The following C12orf42 variants were observed in gnomAD, a reference collection of about 807,000 sequenced individuals.
C12orf42 encodes the protein uncharacterized protein C12orf42.
C12orf42 carries 25 observed loss-of-function variants against 21.6 expected under a neutral mutation model. That is an observed-to-expected ratio of 1.16 (90% CI 0.84 to 1.62). C12orf42 has a LOEUF of 1.62. C12orf42 is among the 40% of genes most tolerant of loss of function. C12orf42 has a pLI of 0.00. For synonymous variants in C12orf42, 174 were observed against 175.0 expected, an observed-to-expected ratio of 0.99 and a Z score of 0.05; for missense variants, 483 against 459.3, an observed-to-expected ratio of 1.05 and a Z score of -0.47.
chr12:103,445,263 G>A (rs1394540140), intron 2 of C12orf42, among the ~76,000 whole-genome samples: 1 of 152,084 alleles, frequency 6.6e-6, no homozygotes, highest in African/African-American at 2.4e-5. Context: ...TTGCTTGTTT[G>A]TTGGTGGGGA....
At chr12:103,533,008 T>C in the C12orf42 span, among the ~76,000 whole-genome samples, 1 of 152,224 alleles carries the variant, frequency 6.6e-6, no homozygotes, top group Admixed American at 6.5e-5. Context: ...AAGTTCACCC[T>C]ACGGTTCAGT....
At chr12:103,288,943 A>G (rs2036633024) in intron 4 of C12orf42, among the ~76,000 whole-genome samples, 1 of 152,198 alleles carries the variant, frequency 6.6e-6, no homozygotes, top group Non-Finnish European at 1.5e-5. Flanking sequence ...GCTATTTTTA[A>G]TTTCTCTTAT....
chr12:103,208,276 A>AGCTTT, the C12orf42 span, among the ~76,000 whole-genome samples: 1 of 152,144 alleles, frequency 6.6e-6, no homozygotes, highest in South Asian at 2.1e-4. Flanking sequence ...CTAACACACT[A>AGCTTT]ATACCAAGCC....
At chr12:103,087,733 G>A in the C12orf42 span, among the ~76,000 whole-genome samples, 1 of 152,174 alleles carries the variant, frequency 6.6e-6, no homozygotes, top group Non-Finnish European at 1.5e-5. Context: ...TGAGTAACAT[G>A]AGGTTCAACA....
intron 10 of C12orf42, among the ~76,000 whole-genome samples, chr12:103,244,904 G>T (rs182531309): frequency 6.6e-6 from 1 of 152,074 alleles, no homozygotes; most frequent in East Asian, 1.9e-4. Flanking sequence ...ATCTCTGTAG[G>T]TCTTTTTATT....
At chr12:103,562,121 C>T in the C12orf42 span, among the ~76,000 whole-genome samples, 7 of 152,194 alleles carry the variant, frequency 4.6e-5, no homozygotes, top group Non-Finnish European at 7.3e-5. Context: ...AGTTCCTTTC[C>T]GTAAAGCTAT....
intron 3 of C12orf42, among the ~76,000 whole-genome samples, chr12:103,385,518 A>G (rs1240204665): frequency 6.6e-6 from 1 of 152,238 alleles, no homozygotes; most frequent in African/African-American, 2.4e-5. Flanking sequence ...AAAGTAACCC[A>G]TTAGTAGCAT....
chr12:103,295,194 T>C (rs1445323850), intron 4 of C12orf42, among the ~76,000 whole-genome samples: 1 of 152,200 alleles, frequency 6.6e-6, no homozygotes, highest in East Asian at 1.9e-4. Flanking sequence ...CTCTTTCCTG[T>C]GTCCCTGTGT....
At chr12:103,400,228 T>C (rs1019656213) in intron 3 of C12orf42, among the ~76,000 whole-genome samples, 2 of 152,156 alleles carry the variant, frequency 1.3e-5, no homozygotes, top group Non-Finnish European at 2.9e-5. Context: ...ACTTAAGCTG[T>C]CAGAGGAAAG....
At chr12:103,453,875 C>T (rs1165447695) in intron 2 of C12orf42, among the ~76,000 whole-genome samples, 1 of 152,034 alleles carries the variant, frequency 6.6e-6, no homozygotes, top group Admixed American at 6.6e-5. Context: ...TCTTGTTCAC[C>T]ACCTTGTCTC....
intron 4 of C12orf42, among the ~76,000 whole-genome samples, chr12:103,333,295 G>A (rs2041406400): frequency 6.6e-6 from 1 of 152,172 alleles, no homozygotes; most frequent in Non-Finnish European, 1.5e-5. Context: ...GGGTCTCAAT[G>A]TCCACATGTG....
chr12:103,308,769 C>A (rs901832255), intron 4 of C12orf42, among the ~76,000 whole-genome samples: 1 of 152,164 alleles, frequency 6.6e-6, no homozygotes, highest in Admixed American at 6.5e-5. Context: ...GTGAATGTAA[C>A]CTTATTTGGA....
chr12:103,057,619 G>A, the C12orf42 span, among the ~76,000 whole-genome samples: 4 of 152,068 alleles, frequency 2.6e-5, no homozygotes, highest in Non-Finnish European at 5.9e-5. Flanking sequence ...CATTTGGGTT[G>A]GTTCCAAGTC....
At chr12:103,187,698 T>TA in the C12orf42 span, among the ~76,000 whole-genome samples, 27 of 152,008 alleles carry the variant, frequency 1.8e-4, no homozygotes, top group Admixed American at 5.9e-4. Flanking sequence ...TGTCCTAAGT[T>TA]AAAAAAAAGG....
chr12:103,560,948 C>T, the C12orf42 span, among the ~76,000 whole-genome samples: 1 of 152,196 alleles, frequency 6.6e-6, no homozygotes, highest in African/African-American at 2.4e-5. Flanking sequence ...TTCTCCCTCA[C>T]CCACATCATT....
chr12:103,249,717 A>T (rs940213857), intron 10 of C12orf42, among the ~76,000 whole-genome samples: 1 of 152,028 alleles, frequency 6.6e-6, no homozygotes, highest in East Asian at 1.9e-4. Flanking sequence ...AAGAGAACAA[A>T]CTCAAACACA....
At chr12:103,546,125 G>A in the C12orf42 span, among the ~76,000 whole-genome samples, 1 of 152,234 alleles carries the variant, frequency 6.6e-6, no homozygotes. Context: ...GCCTTGAGGA[G>A]ATGGGGATGA....
chr12:103,198,067 A>G, the C12orf42 span, among the ~76,000 whole-genome samples: 1 of 152,236 alleles, frequency 6.6e-6, no homozygotes, highest in African/African-American at 2.4e-5. Flanking sequence ...GCAGTAGAGT[A>G]GCAGCACCTG....
chr12:103,368,145 A>C (rs2044795736), intron 4 of C12orf42: 1 of 904,410 alleles, frequency 1.1e-6, no homozygotes, highest in East Asian at 6.2e-5. Context: ...GGTTGTCAAA[A>C]TCATCTATGG....
Sources: gnomAD v4.1 joint callset for allele counts (sites outside exome capture counted in the v4.1 genomes callset) on GRCh38, gnomAD v4.1.1 for gene constraint, MANE v1.5 for transcripts, NCBI Gene and HGNC (gene_info 2026-07-23, HGNC 2026-07-21) for gene names.